Variants in MTR observed in about 807,000 individuals in gnomAD.
MTR encodes the protein 5-methyltetrahydrofolate-homocysteine methyltransferase, also known as methionine synthase.
In MTR, 84 loss-of-function variants were observed where a neutral mutation model predicts 154.8. The ratio of observed to expected loss-of-function variants is 0.54; its 90% CI spans 0.45 to 0.65. The LOEUF is 0.65. MTR is among the 30% of genes least tolerant of loss of function. The pLI is 0.00. For missense variants in MTR, 1,275 were observed against 1,570.2 expected (o/e 0.81, Z 3.18); for synonymous variants, 554 against 553.9 (o/e 1.00, Z 0.00).
At chr1:236,880,136 G>C (rs1665645622) in intron 24 of MTR, among the ~76,000 whole-genome samples, 1 of 152,168 alleles carries the variant, frequency 6.6e-6, no homozygotes, top group Non-Finnish European at 1.5e-5. Context: ...ACTCCAGCCT[G>C]GGTGACAGAG....
intron 1 of MTR, chr1:236,800,146 A>C (rs1175035185): frequency 2.0e-6 from 2 of 985,306 alleles, no homozygotes; most frequent in Non-Finnish European, 2.4e-6. Context: ...CTGAGTGGTT[A>C]GATTTGCTCA....
intron 1 of MTR, among the ~76,000 whole-genome samples, chr1:236,797,712 A>G (rs1206946434): frequency 6.6e-6 from 1 of 152,162 alleles, no homozygotes; most frequent in Non-Finnish European, 1.5e-5. Context: ...TAATCCCAGC[A>G]CTTTGGGAGG....
At chr1:236,847,248 C>T (rs542256136) in intron 15 of MTR, among the ~76,000 whole-genome samples, 4 of 152,238 alleles carry the variant, frequency 2.6e-5, no homozygotes, top group Non-Finnish European at 5.9e-5. Flanking sequence ...AGGGTTCTCT[C>T]GCCCATCTTC....
chr1:236,871,316 A>T (rs921099471), intron 22 of MTR, among the ~76,000 whole-genome samples: 1 of 120,618 alleles, frequency 8.3e-6, no homozygotes, highest in Non-Finnish European at 1.8e-5. Flanking sequence ...TCCTCCTCTG[A>T]ACTTATCACC....
intron 1 of MTR, 147 bp from the exon 2 acceptor site, chr1:236,803,281 C>T (rs1239478518): frequency 1.0e-5 from 8 of 797,782 alleles, no homozygotes; most frequent in African/African-American, 3.5e-5. Flanking sequence ...TTTTGGGCAG[C>T]GTTTTCCTAT....
rs562286818 is a variant in MTR, at chr1:236,861,026, G to A, written c.2044-99G>A. On this transcript the variant is annotated intron_variant, in intron 19 of 32. Transcript: ENST00000366577. ...TCTGCTTCTGGAACCTGTGCTGTTA[G>A]GCATTTTCATGATGGCTCTGTGGAG... is the stretch of plus-strand genomic sequence containing the variant. 1.2e-5 allele frequency: 12 copies of A among 1,043,100 alleles called. No homozygotes were observed. The East Asian group carries it at 3.1e-4, about 27-fold the overall frequency. The allele number at this position is 1,043,100 out of a possible 1,614,324, so 64.6% of individuals were successfully genotyped here.
rs534907274 is a variant in MTR, at chr1:236,842,865, C to A, written c.1515+4266C>A. Among the ~76,000 whole-genome samples the A allele has an allele frequency of 2.6e-5, 4 of 151,620 alleles. No homozygotes were observed. The East Asian group carries it at 5.8e-4, about 22-fold the overall frequency. ...CTTTGGGAGGCTGAGGCAGGCAGAT[C>A]ACCTGAGTTCAGGAGTTCGAGAGTA... On this transcript the variant is annotated intron_variant, in intron 15 of 32. Coordinates refer to ENST00000366577, the MANE Select transcript of MTR (RefSeq NM_000254.3).
chr1:236,836,246 TGTTA>T (rs1213741416), intron 14 of MTR, among the ~76,000 whole-genome samples: 1 of 152,146 alleles, frequency 6.6e-6, no homozygotes, highest in African/African-American at 2.4e-5. Flanking sequence ...CCGTTAAGTT[TGTTA>T]TGAGAAGTGA....
chr1:236,898,904 T>A lies in MTR; in HGVS notation c.*1260T>A, dbSNP rs1666804842. The A allele has an allele frequency of 6.6e-6, 1 of 152,206 alleles. No homozygotes were observed. The highest frequency in any genetic ancestry group is 1.9e-4 in the East Asian group (1 of 5,194). 9.4% of individuals were successfully genotyped at this position (152,206 alleles called of 1,614,324 possible). A position where few individuals can be genotyped will look rare whatever the true frequency, so the allele number is the denominator to read the frequency against. Reference sequence around the variant, plus strand: ...GCAACAAGCCTCAAACTCAACCATGTCATCTTTTTCTTGGATGATTGCAGT... The same window carrying A: ...GCAACAAGCCTCAAACTCAACCATGACATCTTTTTCTTGGATGATTGCAGT... On this transcript the variant is annotated 3_prime_UTR_variant, in exon 33 of 33. Coordinates refer to ENST00000366577, the MANE Select transcript of MTR (RefSeq NM_000254.3).
chr1:236,820,153 A>T (rs1572209564), intron 8 of MTR: 1 of 764,280 alleles, frequency 1.3e-6, no homozygotes, highest in Non-Finnish European at 2.4e-6. Flanking sequence ...GGTGGGTTTG[A>T]TGTGGTGGAT....
rs1666187898 is a variant in MTR at position 236,889,256 on chromosome 1, A to C, written c.2927A>C (p.Lys976Thr). The change falls in exon 28 of 33, where the codon AAG (lysine) becomes ACG (threonine). Residue 976 changes from lysine (K) to threonine (T), a missense_variant. By Grantham distance (78) the Lys-to-Thr change is moderately conservative. Transcript: ENST00000366577. Reference protein sequence around the residue: ...LQKLVDYIDWKPFFDVWQLRG... With the variant: ...LQKLVDYIDWTPFFDVWQLRG... ...AAGCTGGTGGACTACATTGACTGGA[A>C]GCCTTTCTTTGATGTCTGGCAGCTC... 2 of 1,614,110 alleles carry C rather than the reference A, an allele frequency of 1.2e-6. No homozygotes were observed. Among genetic ancestry groups the C allele is most frequent in the Non-Finnish European group, 1.7e-6 (2 of 1,180,052 alleles).
In MTR at chr1:236,897,918, G is replaced by A; in HGVS notation, c.*274G>A. 7.0e-6 allele frequency: 3 copies of A among 427,498 alleles called. No homozygotes were observed. Among genetic ancestry groups the A allele is most frequent in the Non-Finnish European group, 8.4e-6 (2 of 239,506 alleles). The allele number at this position is 427,498 out of a possible 1,614,324, so 26.5% of individuals were successfully genotyped here. On this transcript the variant is annotated 3_prime_UTR_variant, in exon 33 of 33. Transcript: ENST00000366577. ...GGTCCCTCTGAGATGGGGACAGACT[G>A]AAGACAGAGGTCGTTTGATTTCAAA...
chr1:236,821,941 T>A (rs1197079897), intron 8 of MTR, among the ~76,000 whole-genome samples: 1 of 152,190 alleles, frequency 6.6e-6, no homozygotes, highest in Non-Finnish European at 1.5e-5. Context: ...CAATTCCACA[T>A]TGTCTTGATT....
chr1:236,808,666 A>G (rs746935414), intron 3 of MTR, 38 bp from the exon 4 acceptor site: 1 of 1,596,816 alleles, frequency 6.3e-7, no homozygotes, highest in East Asian at 2.2e-5. Context: ...GTGCGGAGGA[A>G]AAGAAGGACA....
chr1:236,873,908 G>T (rs771262729), intron 23 of MTR, 68 bp downstream of exon 23: 12 of 1,464,236 alleles, frequency 8.2e-6, no homozygotes, highest in Non-Finnish European at 1.1e-5. Context: ...CATTTCCCTA[G>T]TTGTCTGTCA....
chr1:236,797,773 A>T (rs1660476329), intron 1 of MTR, among the ~76,000 whole-genome samples: 1 of 152,106 alleles, frequency 6.6e-6, no homozygotes, highest in South Asian at 2.1e-4. Flanking sequence ...AGCCTGGCCA[A>T]CATGGTGAAA....
chr1:236,880,694 A>G, intron 24 of MTR, 61 bp from the exon 25 acceptor site: 1 of 1,321,942 alleles, frequency 7.6e-7, no homozygotes, highest in Non-Finnish European at 1.1e-6. Context: ...GCGCTGAACA[A>G]GAGTTGTATA....
chr1:236,883,156 C>T lies in MTR; in HGVS notation c.2677-1965C>T, dbSNP rs1308551905. ...AATTATAAAATATCTTTTCAGTTTA[C>T]TCCCTCTTATTGTGTGGCTGTTGCC... On this transcript the variant is annotated intron_variant, in intron 25 of 32. Transcript: ENST00000366577. Among the ~76,000 whole-genome samples, 12 of 152,274 alleles carry T rather than the reference C, an allele frequency of 7.9e-5. No homozygotes were observed. The East Asian group carries it at 2.1e-3, about 27-fold the overall frequency.
At position 236,885,216 on chromosome 1, in the gene MTR, C is replaced by G. The variant is rs533541925; in HGVS notation, c.2772C>G (p.Leu924=). 5.8e-4 allele frequency: 900 copies of G among 1,564,796 alleles called. 9 individuals are homozygous for G. The South Asian group carries it at 8.7e-3, about 15-fold the overall frequency. ...TTAGACAGGACCATTATGAGTCTCTCAAGGTAAGTGGTAGAAACAGATTTT... is the reference window on the plus strand; with the variant it reads ...TTAGACAGGACCATTATGAGTCTCTGAAGGTAAGTGGTAGAAACAGATTTT... ...EDIRQDHYES[L]KERRYLPLSQ... is the part of the protein sequence containing the mutation. Residue 924 remains leucine, a synonymous_variant, in exon 26 of 33, where the codon CTC becomes CTG. Transcript: ENST00000366577.
Sources: allele counts gnomAD v4.1 joint callset (sites outside exome capture counted in the v4.1 genomes callset), GRCh38; gene constraint gnomAD v4.1.1; transcripts MANE v1.5; gene names NCBI Gene and HGNC (gene_info 2026-07-23, HGNC 2026-07-21).